The following OBSL1 variants were observed in gnomAD, a reference collection of about 807,000 sequenced individuals.
OBSL1 encodes obscurin-like protein 1.
Under a neutral mutation model 172.0 loss-of-function variants are expected in OBSL1, and 160 were observed. That is an observed-to-expected ratio of 0.93 (90% CI 0.82 to 1.06). The LOEUF is 1.06. Among genes scored for constraint, OBSL1 ranks in the 50% least tolerant of loss-of-function variants. The pLI is 0.00. For missense variants in OBSL1, 2,681 were observed against 2,715.4 expected, an observed-to-expected ratio of 0.99 and a Z score of 0.28; for synonymous variants, 1,200 against 1,196.3, an observed-to-expected ratio of 1.00 and a Z score of -0.06.
chr2:219,567,226 G>A (rs766599087), intron 4 of OBSL1, 47 bp downstream of exon 4: 5 of 1,562,856 alleles, frequency 3.2e-6, no homozygotes, highest in East Asian at 4.6e-5. Context: ...ACTGAGGGCT[G>A]GGGAAGGGAG....
At chr2:219,569,221 G>T (rs1302925463) in intron 1 of OBSL1, 1 of 152,196 alleles carries the variant, frequency 6.6e-6, no homozygotes, top group Non-Finnish European at 1.5e-5. Context: ...TTTCTTTCCT[G>T]ATGGAGGTCC....
At chr2:219,564,524 C>G (rs907141) in intron 6 of OBSL1, among the ~76,000 whole-genome samples, 85,023 of 152,192 alleles carry the variant, frequency 0.56, 25,813 homozygotes, top group South Asian at 0.73. Flanking sequence ...GTGCTTGGCT[C>G]AGAGTAAGTG....
At position 219,568,685 on chromosome 2, in the gene OBSL1, CT is replaced by C. The variant is rs1697114440; in HGVS notation, c.1013-362del. On this transcript the variant is annotated intron_variant, in intron 1 of 20. Transcript: ENST00000404537. This position sits in a 1 kb window ranked among gnomAD's most constrained non-coding sequence, Gnocchi z 4.1. ...TGGTGATTTCCAAACTGTTCCCTGG[CT>C]CCCCCCGCCCCAGTCATTTCACATA... Among the ~76,000 whole-genome samples the C allele has an allele frequency of 6.6e-6, 1 of 152,128 alleles. No homozygotes were observed. The highest frequency in any genetic ancestry group is 1.5e-5 in the Non-Finnish European group (1 of 68,002).
chr2:219,561,223 T>C (rs1292141065), intron 8 of OBSL1, among the ~76,000 whole-genome samples: 1 of 152,070 alleles, frequency 6.6e-6, no homozygotes, highest in East Asian at 1.9e-4. Context: ...AGGACAGGAC[T>C]GTGGCCGCAG....
intron 19 of OBSL1, 23 bp from the exon 20 acceptor site, chr2:219,551,821 T>A: frequency 6.9e-7 from 1 of 1,458,084 alleles, no homozygotes; most frequent in Non-Finnish European, 9.4e-7. Flanking sequence ...GGCGGGGGCT[T>A]AAGTTAATAG....
chr2:219,551,688 G>A lies in OBSL1; in HGVS notation c.5524C>T (p.Leu1842=), dbSNP rs764013509. 6.2e-7 allele frequency: 1 copy of A among 1,611,114 alleles called. No homozygotes were observed. The highest frequency in any genetic ancestry group is 1.7e-5 in the Admixed American group (1 of 59,882). Residue 1842 remains leucine, a synonymous_variant, in exon 20 of 21, where the codon CTG becomes TTG. Coordinates refer to ENST00000404537, the MANE Select transcript of OBSL1 (RefSeq NM_015311.3). ...GGGCACAGCTCGGCCCCCTCCCGCA[G>A]CCAGCACACGTGGCCCCCCGAGCGG... is the stretch of plus-strand genomic sequence containing the variant. ...VSRSGGHVCW[L]REGAELCPGD...
chr2:219,565,584 G>C, intron 5 of OBSL1, 70 bp from the exon 6 acceptor site: 1 of 1,467,492 alleles, frequency 6.8e-7, no homozygotes. Context: ...ATGCATCAGA[G>C]GGAACAACTG....
chr2:219,570,752 A>T lies in OBSL1; in HGVS notation c.481T>A (p.Trp161Arg), dbSNP rs772283203. The change falls in exon 1 of 21, where the codon TGG becomes AGG. Residue 161 changes from tryptophan (W) to arginine (R), a missense_variant. Around this residue, in one of 5 missense-constraint regions of OBSL1, gnomAD observed 706 missense variants for 695.8 expected, o/e 1.01. Coordinates refer to ENST00000404537, the MANE Select transcript of OBSL1 (RefSeq NM_015311.3). ...AGGLPEPTLY[W>R]EKDGMALDEV... is the part of the protein sequence containing the mutation. ...TCCAGGGCCATCCCGTCCTTCTCCC[A>T]GTACAGTGTGGGCTCGGGGAGGCCC... 3 of 1,500,064 alleles carry T rather than the reference A, an allele frequency of 2.0e-6. No individual in the cohort carries two copies. Among genetic ancestry groups the T allele is most frequent in the Non-Finnish European group, 2.7e-6 (3 of 1,131,772 alleles). The allele number at this position is 1,500,064 out of a possible 1,614,324, so 92.9% of individuals were successfully genotyped here.
At chr2:219,563,310 A>C (rs1159070892) in intron 7 of OBSL1, 45 bp downstream of exon 7, 1 of 1,506,858 alleles carries the variant, frequency 6.6e-7, no homozygotes, top group Non-Finnish European at 8.9e-7. Context: ...CAGTGGGAGC[A>C]GGGGCACCTT....
In OBSL1 at chr2:219,570,803, C is replaced by A; in HGVS notation, c.430G>T (p.Glu144Ter). 1 of 1,491,616 alleles carries A rather than the reference C, an allele frequency of 6.7e-7. No homozygotes were observed. The highest frequency in any genetic ancestry group is 8.9e-7 in the Non-Finnish European group (1 of 1,128,162). The allele number at this position is 1,491,616 out of a possible 1,614,324, so 92.4% of individuals were successfully genotyped here. Residue 144 changes from glutamate (E) to a stop codon, truncating the protein, a stop_gained, in exon 1 of 21, where the codon GAG becomes TAG. Coordinates refer to ENST00000404537, the MANE Select transcript of OBSL1 (RefSeq NM_015311.3). LOFTEE classifies it high-confidence loss of function. ...CCCGCCCGGCACGTCAGCACCACCT[C>A]CGCCCCCCGCAGCACCCACTGGGAT... The part of the protein sequence containing the change: ...PRSQWVLRGA[E>*]VVLTCRAGGL...
chr2:219,568,029 A>C lies in OBSL1; in HGVS notation c.1282+26T>G, dbSNP rs774514920. ...CTGAGCACCTGCCTGCCTCCGCCTC[A>C]GCCTCTTCCCCACGGGCCAGCTGAC... On this transcript the variant is annotated intron_variant, in intron 2 of 20. Coordinates refer to ENST00000404537, the MANE Select transcript of OBSL1 (RefSeq NM_015311.3). This position sits in a 1 kb window ranked among gnomAD's most constrained non-coding sequence, Gnocchi z 4.1. The C allele has an allele frequency of 6.2e-7, 1 of 1,608,790 alleles. No homozygotes were observed. Among genetic ancestry groups the C allele is most frequent in the South Asian group, 1.1e-5 (1 of 91,024 alleles).
At chr2:219,548,673 G>A (rs538887976), downstream of OBSL1, among the ~76,000 whole-genome samples, 63 of 152,262 alleles carry the variant, frequency 4.1e-4, no homozygotes, top group Non-Finnish European at 8.4e-4. Flanking sequence ...TGGACCCTCT[G>A]GGTCATAAGA....
rs868435289 is a variant in OBSL1 at position 219,571,169 on chromosome 2, G to A, written c.64C>T (p.Arg22Trp). 4.1e-6 allele frequency: 6 copies of A among 1,478,010 alleles called. No homozygotes were observed. Among genetic ancestry groups the A allele is most frequent in the Admixed American group, 2.1e-5 (1 of 46,886 alleles). The allele number at this position is 1,478,010 out of a possible 1,614,324, so 91.6% of individuals were successfully genotyped here. Residue 22 changes from arginine (R) to tryptophan (W), a missense_variant, in exon 1 of 21, where the codon CGG becomes TGG. Transcript: ENST00000404537. Reference protein sequence around the residue: ...PCFLRFPRPVRVVSGAEAELK... With the variant: ...PCFLRFPRPVWVVSGAEAELK... ...TCGGCCTCGGCGCCACTTACCACCCGCACAGGCCGCGGGAAGCGCAGGAAG... is the reference window on the plus strand; with the variant it reads ...TCGGCCTCGGCGCCACTTACCACCCACACAGGCCGCGGGAAGCGCAGGAAG...
chr2:219,568,686 T>C lies in OBSL1; in HGVS notation c.1013-362A>G, dbSNP rs76744692. 5.3e-5 allele frequency among the ~76,000 whole-genome samples: 8 copies of C among 151,678 alleles called. No homozygotes were observed. Among genetic ancestry groups the C allele is most frequent in the Middle Eastern group, 3.4e-3 (1 of 292 alleles). On this transcript the variant is annotated intron_variant, in intron 1 of 20. Coordinates refer to ENST00000404537, the MANE Select transcript of OBSL1 (RefSeq NM_015311.3). This position sits in a 1 kb window ranked among gnomAD's most constrained non-coding sequence, Gnocchi z 4.1. ...GGTGATTTCCAAACTGTTCCCTGGC[T>C]CCCCCCGCCCCAGTCATTTCACATA...
At position 219,570,269 on chromosome 2, in the gene OBSL1, G is replaced by T; in HGVS notation, c.964C>A (p.Arg322Ser). 3 of 1,599,556 alleles carry T rather than the reference G, an allele frequency of 1.9e-6. No homozygotes were observed. The highest frequency in any genetic ancestry group is 2.6e-6 in the Non-Finnish European group (3 of 1,170,660). The change falls in exon 1 of 21, where the codon CGC becomes AGC. Residue 322 changes from arginine to serine, a missense_variant. Arg to Ser is a moderately radical substitution (Grantham distance 110). Transcript: ENST00000404537. The stretch of plus-strand genomic sequence containing the variant: ...CTGAGCGTCTGGCCCGCCGAGTTGC[G>T]CGCGGCGCAGACGTAGAGCCCACGA... ...KDRGLYVCAA[R>S]NSAGQTLSAV...
chr2:219,566,151 A>C (rs1484372924), intron 5 of OBSL1, among the ~76,000 whole-genome samples: 2 of 152,320 alleles, frequency 1.3e-5, no homozygotes, highest in East Asian at 3.9e-4. Context: ...ATAAAATGGG[A>C]ATGTCAAAAG....
chr2:219,558,398 T>A lies in OBSL1; in HGVS notation c.3288A>T (p.Pro1096=). 6.2e-7 allele frequency: 1 copy of A among 1,606,000 alleles called. No individual in the cohort carries two copies. The change falls in exon 10 of 21, where the codon CCA becomes CCT. Residue 1096 remains proline, a synonymous_variant. Transcript: ENST00000404537. ...CCTCACAGCGCAGCTCCACGCGCCC[T>A]GGAGCCCCAAAATGCAGATCCAGGG... is the stretch of plus-strand genomic sequence containing the variant. ...ARSLDLHFGA[P]GRVELRCEVA...
intron 19 of OBSL1, 150 bp from the exon 20 acceptor site, chr2:219,551,948 T>C (rs964415251): frequency 2.3e-5 from 21 of 907,928 alleles, no homozygotes; most frequent in Non-Finnish European, 3.4e-5. Flanking sequence ...CAAAGTCTCC[T>C]CTTGCCGGGG....
Position 219,562,495 on chromosome 2 carries a change from G to A in OBSL1, c.2860C>T (p.Arg954Cys), listed in dbSNP as rs374012782. 1.6e-5 allele frequency: 26 copies of A among 1,613,894 alleles called. No homozygotes were observed. Among genetic ancestry groups the A allele is most frequent in the Admixed American group, 8.3e-5 (5 of 60,012 alleles). The change falls in exon 8 of 21, where the codon CGC becomes TGC. Residue 954 changes from arginine to cysteine, a missense_variant. Around this residue, in one of 5 missense-constraint regions of OBSL1, gnomAD observed 1,765 missense variants for 1,748.3 expected, o/e 1.01. Coordinates refer to ENST00000404537, the MANE Select transcript of OBSL1 (RefSeq NM_015311.3). ...AGCTGGACAGCGGGCAGCACCAGGC[G>A]GCGGACAGTGTCTTCCTTCTGCAGG... ...LLLQKEDTVR[R>C]LVLPAVQLED...
Sources: allele counts gnomAD v4.1 joint callset (sites outside exome capture counted in the v4.1 genomes callset), GRCh38; gene constraint gnomAD v4.1.1; regional missense constraint gnomAD v4.1.1; non-coding constraint Gnocchi (gnomAD v3.1); transcripts MANE v1.5; gene names NCBI Gene and HGNC (gene_info 2026-07-23, HGNC 2026-07-21).